Variants in PAK5 observed in about 807,000 individuals in gnomAD.
The protein encoded by PAK5 is p21 (RAC1) activated kinase 5, also known as serine/threonine-protein kinase PAK 5.
In PAK5, 16 loss-of-function variants were observed where a neutral mutation model predicts 65.9. The observed-to-expected ratio is 0.24, with a 90% CI of 0.16 to 0.37. The LOEUF is 0.37. Ranked by LOEUF, PAK5 falls within the 10% of genes least tolerant of loss-of-function variation. The pLI is 1.00. For missense variants in PAK5, 785 were observed against 903.9 expected (o/e 0.87, Z 1.69); for synonymous variants, 371 against 354.9 (o/e 1.05, Z -0.51).
intron 1 of PAK5, among the ~76,000 whole-genome samples, chr20:9,809,463 T>C (rs2049272993): frequency 6.6e-6 from 1 of 151,922 alleles, no homozygotes; most frequent in Admixed American, 6.6e-5. Flanking sequence ...AAGTATCTGC[T>C]TTTAGAAAGT....
At chr20:9,832,769 A>G (rs1398635708) in intron 1 of PAK5, among the ~76,000 whole-genome samples, 1 of 152,228 alleles carries the variant, frequency 6.6e-6, no homozygotes, top group Non-Finnish European at 1.5e-5. Flanking sequence ...TGTGATTAAT[A>G]GTAATAACAT....
intron 3 of PAK5, among the ~76,000 whole-genome samples, chr20:9,602,013 A>G (rs1330606598): frequency 1.3e-5 from 2 of 152,146 alleles, no homozygotes; most frequent in Non-Finnish European, 2.9e-5. Context: ...TGACTAATAC[A>G]CTGGTGAACT....
intron 1 of PAK5, among the ~76,000 whole-genome samples, chr20:9,778,345 C>T (rs937288634): frequency 6.6e-6 from 1 of 152,118 alleles, no homozygotes; most frequent in African/African-American, 2.4e-5. Context: ...TCAAGTGATT[C>T]TCTCACCTCG....
In PAK5 at chr20:9,687,640, C is replaced by T. The variant is rs140295009; in HGVS notation, c.-12+23646G>A. Among the ~76,000 whole-genome samples the T allele has an allele frequency of 5.1e-4, 78 of 152,190 alleles. 1 individual carries two copies. The East Asian group carries it at 8.5e-3, about 17-fold the overall frequency. Reference sequence around the variant, plus strand: ...AGAAATACATGGTGATTTTGAAACCCGCACATCATGGCTTCAGATACGGCC... The same window carrying T: ...AGAAATACATGGTGATTTTGAAACCTGCACATCATGGCTTCAGATACGGCC... On this transcript the variant is annotated intron_variant, in intron 2 of 9. Coordinates refer to ENST00000353224, the MANE Select transcript of PAK5 (RefSeq NM_177990.4).
At chr20:9,660,475 G>C (rs1250090750) in intron 2 of PAK5, among the ~76,000 whole-genome samples, 1 of 151,678 alleles carries the variant, frequency 6.6e-6, no homozygotes, top group Admixed American at 6.6e-5. Flanking sequence ...CCACCCTTAT[G>C]GGGCTCTCAT....
At chr20:9,836,527 AG>A (rs1229934702) in intron 1 of PAK5, among the ~76,000 whole-genome samples, 1 of 152,210 alleles carries the variant, frequency 6.6e-6, no homozygotes, top group Non-Finnish European at 1.5e-5. Context: ...AAGGCAAGCA[AG>A]GATCCTCCCT....
In PAK5 at chr20:9,744,606, AT is replaced by A. The variant is rs111573398; in HGVS notation, c.-161-33172del. On this transcript the variant is annotated intron_variant, in intron 1 of 9. Coordinates refer to ENST00000353224, the MANE Select transcript of PAK5 (RefSeq NM_177990.4). Reference sequence around the variant, plus strand: ...TGGGGGATTGTGGATTGAATAGACAATTGGCAGACCCTTGGGATTATCTCCC... The same window carrying A: ...TGGGGGATTGTGGATTGAATAGACAATGGCAGACCCTTGGGATTATCTCCC... Among the ~76,000 whole-genome samples the A allele has an allele frequency of 6.5e-3, 984 of 152,316 alleles. 12 individuals carry two copies. Among genetic ancestry groups the A allele is most frequent in the African/African-American group, 0.023 (942 of 41,572 alleles).
chr20:9,718,682 A>G (rs1010861225), intron 1 of PAK5, among the ~76,000 whole-genome samples: 3 of 152,204 alleles, frequency 2.0e-5, no homozygotes, highest in African/African-American at 7.2e-5. Flanking sequence ...AACTCAACAT[A>G]CAACATATTT....
chr20:9,700,083 C>T (rs1270345229), intron 2 of PAK5, among the ~76,000 whole-genome samples: 1 of 152,140 alleles, frequency 6.6e-6, no homozygotes, highest in Non-Finnish European at 1.5e-5. Flanking sequence ...TTTTGCTCAA[C>T]ATGTCTGTGA....
At chr20:9,685,425 C>T (rs112342993) in intron 2 of PAK5, among the ~76,000 whole-genome samples, 3,807 of 152,144 alleles carry the variant, frequency 0.025, 102 homozygotes, top group African/African-American at 0.066. Context: ...AATATGGACA[C>T]GGATATACAC....
chr20:9,619,850 G>A (rs907381760), intron 3 of PAK5, among the ~76,000 whole-genome samples: 35 of 152,034 alleles, frequency 2.3e-4, no homozygotes, highest in African/African-American at 8.0e-4. Context: ...CCAATCATCA[G>A]TGCTCTCAAC....
chr20:9,780,827 A>T (rs970760492), intron 1 of PAK5, among the ~76,000 whole-genome samples: 1 of 152,130 alleles, frequency 6.6e-6, no homozygotes, highest in African/African-American at 2.4e-5. Context: ...TTCTATATTC[A>T]TGTCATAAAC....
At chr20:9,715,489 G>A (rs1229618157) in intron 1 of PAK5, among the ~76,000 whole-genome samples, 2 of 152,140 alleles carry the variant, frequency 1.3e-5, no homozygotes, top group East Asian at 3.9e-4. Flanking sequence ...TCAGTGTGGT[G>A]ATTCCTCAGG....
intron 8 of PAK5, 88 bp downstream of exon 8, chr20:9,544,281 A>G: frequency 1.4e-6 from 2 of 1,391,490 alleles, no homozygotes; most frequent in South Asian, 2.5e-5. Context: ...CATTGCCCCC[A>G]TCTCCTGTGG....
intron 1 of PAK5, among the ~76,000 whole-genome samples, chr20:9,774,214 T>G (rs941180304): frequency 6.6e-6 from 1 of 152,098 alleles, no homozygotes; most frequent in Non-Finnish European, 1.5e-5. Flanking sequence ...CTGAAAGAGC[T>G]TGGGGGAAAG....
intron 2 of PAK5, among the ~76,000 whole-genome samples, chr20:9,648,900 G>A (rs2123291176): frequency 6.6e-6 from 1 of 152,262 alleles, no homozygotes; most frequent in East Asian, 1.9e-4. Context: ...CCCTCTCTGA[G>A]AAATTACAAA....
Position 9,566,275 on chromosome 20 carries a change from G to T in PAK5, c.1100C>A (p.Ser367Tyr), listed in dbSNP as rs2123000224. The change falls in exon 5 of 10, where the codon TCC becomes TAC. Residue 367 changes from serine (S) to tyrosine (Y), a missense_variant. Ser to Tyr is a moderately radical substitution (Grantham distance 144). This residue lies in a region of PAK5 where 422 missense variants were observed against 413.3 expected (regional missense o/e 1.02). Transcript: ENST00000353224. Reference sequence around the variant, plus strand: ...AGACGGGTACTGGTGACTGCTTGAGGAATAGCCCGATTTGCTTTGACTTTG... The same window carrying T: ...AGACGGGTACTGGTGACTGCTTGAGTAATAGCCCGATTTGCTTTGACTTTG... ...LPQSQSKSGY[S>Y]SSSHQYPSGY... The T allele has an allele frequency of 6.2e-7, 1 of 1,613,794 alleles. No homozygotes were observed.
chr20:9,786,822 A>T (rs182111726), intron 1 of PAK5, among the ~76,000 whole-genome samples: 22 of 152,266 alleles, frequency 1.4e-4, no homozygotes, highest in Admixed American at 7.9e-4. Context: ...ATCAGACTGG[A>T]CATTTGAAAA....
intron 2 of PAK5, among the ~76,000 whole-genome samples, chr20:9,659,944 CA>C (rs749226515): frequency 2.6e-5 from 4 of 152,128 alleles, no homozygotes; most frequent in Non-Finnish European, 5.9e-5. Context: ...TTCTCTATAA[CA>C]GCAAGTATGC....
Sources: gnomAD v4.1 joint callset for allele counts (sites outside exome capture counted in the v4.1 genomes callset) on GRCh38, gnomAD v4.1.1 for gene constraint, gnomAD v4.1.1 regional missense constraint, MANE v1.5 for transcripts, NCBI Gene and HGNC (gene_info 2026-07-23, HGNC 2026-07-21) for gene names.